The following DENND5B variants were observed in gnomAD, a reference collection of about 807,000 sequenced individuals.
DENND5B encodes the protein DENN domain containing 5B, also known as DENN domain-containing protein 5B.
In DENND5B, 34 loss-of-function variants were observed where a neutral mutation model predicts 140.6. The ratio of observed to expected loss-of-function variants is 0.24; its 90% CI spans 0.18 to 0.32. DENND5B has a LOEUF of 0.32. Ranked by LOEUF, DENND5B falls within the 10% of genes least tolerant of loss-of-function variation. The pLI is 1.00. For missense variants in DENND5B, 1,142 were observed against 1,560.2 expected, an observed-to-expected ratio of 0.73 and a Z score of 4.52; for synonymous variants, 551 against 562.1, an observed-to-expected ratio of 0.98 and a Z score of 0.28.
intron 3 of DENND5B, chr12:31,465,009 T>C (rs1479913143): frequency 1.3e-5 from 2 of 152,248 alleles, no homozygotes; most frequent in Non-Finnish European, 2.9e-5. Flanking sequence ...TAAAAAATTA[T>C]GCTTGACTAT....
At chr12:31,449,890 C>T (rs1365239745) in intron 5 of DENND5B, among the ~76,000 whole-genome samples, 1 of 151,944 alleles carries the variant, frequency 6.6e-6, no homozygotes, top group Non-Finnish European at 1.5e-5. Flanking sequence ...GCCACCACGC[C>T]CGGCTAATTT....
intron 12 of DENND5B, among the ~76,000 whole-genome samples, chr12:31,415,127 A>G (rs1942663001): frequency 6.6e-6 from 1 of 152,122 alleles, no homozygotes; most frequent in Non-Finnish European, 1.5e-5. Flanking sequence ...AAGTAAAATA[A>G]AATAAAAAAA....
At chr12:31,520,426 G>A (rs1947832929) in intron 1 of DENND5B, among the ~76,000 whole-genome samples, 1 of 152,160 alleles carries the variant, frequency 6.6e-6, no homozygotes, top group Non-Finnish European at 1.5e-5. Flanking sequence ...ATAGAAGTTA[G>A]GCACACCTAG....
At chr12:31,416,798 A>C (rs1565558019) in intron 11 of DENND5B, among the ~76,000 whole-genome samples, 1 of 151,484 alleles carries the variant, frequency 6.6e-6, no homozygotes, top group Non-Finnish European at 1.5e-5. Flanking sequence ...GGAGTTCAAG[A>C]CCAGCCTGGG....
intron 3 of DENND5B, among the ~76,000 whole-genome samples, chr12:31,463,899 C>T (rs1319363173): frequency 1.3e-5 from 2 of 152,276 alleles, no homozygotes; most frequent in African/African-American, 4.8e-5. Flanking sequence ...AACTCCTGAC[C>T]TCAGGTGATC....
At chr12:31,431,333 A>G (rs1299775645) in intron 8 of DENND5B, among the ~76,000 whole-genome samples, 1 of 152,240 alleles carries the variant, frequency 6.6e-6, no homozygotes, top group Non-Finnish European at 1.5e-5. Context: ...CTAGTATGAC[A>G]TAATGGGGGA....
In DENND5B at chr12:31,389,497, C is replaced by G. The variant is rs202157086; in HGVS notation, c.3468G>C (p.Glu1156Asp). 5 of 1,575,514 alleles carry G rather than the reference C, an allele frequency of 3.2e-6. No individual in the cohort carries two copies. Residue 1156 changes from glutamate to aspartate, a missense_variant and splice_region_variant, in exon 20 of 21, where the codon GAG becomes GAC. Coordinates refer to ENST00000389082, the MANE Select transcript of DENND5B (RefSeq NM_144973.4). ...TTGTTTCAAAATAAGCAACCACTTTCTCTGAGGAAAAAAGTCAGAATTATG... is the reference window on the plus strand; with the variant it reads ...TTGTTTCAAAATAAGCAACCACTTTGTCTGAGGAAAAAAGTCAGAATTATG... ...HKNVFIWDFIEKVVAYFETTD... is the reference protein window; with the variant it reads ...HKNVFIWDFIDKVVAYFETTD...
chr12:31,520,636 G>A (rs1947840775), intron 1 of DENND5B, among the ~76,000 whole-genome samples: 5 of 152,052 alleles, frequency 3.3e-5, no homozygotes, highest in Admixed American at 3.3e-4. Flanking sequence ...CACCTCCTGG[G>A]TTCAAGCGAT....
intron 1 of DENND5B, among the ~76,000 whole-genome samples, chr12:31,567,058 T>C (rs563936701): frequency 7.2e-4 from 109 of 152,344 alleles, no homozygotes; most frequent in African/African-American, 2.3e-3. Context: ...CGCATGTATA[T>C]TCCTATTGCA....
At chr12:31,426,069 G>T (rs1943217185) in intron 9 of DENND5B, among the ~76,000 whole-genome samples, 1 of 152,196 alleles carries the variant, frequency 6.6e-6, no homozygotes, top group South Asian at 2.1e-4. Flanking sequence ...TGTCTGAAAA[G>T]GTGAGAAAAA....
At chr12:31,499,609 A>G in intron 1 of DENND5B, 1 of 1,494,054 alleles carries the variant, frequency 6.7e-7, no homozygotes, top group South Asian at 1.3e-5. Context: ...TTTTTACCTG[A>G]AGTCGTATTT....
intron 1 of DENND5B, among the ~76,000 whole-genome samples, chr12:31,508,712 C>A (rs1480661795): frequency 6.6e-6 from 1 of 152,154 alleles, no homozygotes; most frequent in South Asian, 2.1e-4. Context: ...TAGTGTGTGG[C>A]CTTTCATCTA....
intron 3 of DENND5B, among the ~76,000 whole-genome samples, chr12:31,474,577 A>C (rs141232654): frequency 2.0e-5 from 3 of 152,356 alleles, no homozygotes; most frequent in Admixed American, 6.5e-5. Flanking sequence ...AAATCAGTCT[A>C]GAAGGACATT....
chr12:31,418,576 G>A (rs1034040219), intron 11 of DENND5B, among the ~76,000 whole-genome samples: 3 of 151,804 alleles, frequency 2.0e-5, no homozygotes, highest in Non-Finnish European at 4.4e-5. Flanking sequence ...TTATAGGCAT[G>A]AGCCATCACA....
At chr12:31,529,875 G>C (rs1174944282) in intron 1 of DENND5B, among the ~76,000 whole-genome samples, 1 of 152,028 alleles carries the variant, frequency 6.6e-6, no homozygotes, top group Non-Finnish European at 1.5e-5. Context: ...GGCTTAAAAT[G>C]CTGCATTCTC....
chr12:31,398,494 G>A (rs989072061), intron 16 of DENND5B, 132 bp from the exon 17 acceptor site: 4 of 790,560 alleles, frequency 5.1e-6, no homozygotes, highest in Non-Finnish European at 7.7e-6. Flanking sequence ...TTATAGAGAG[G>A]TCTCATTACA....
intron 4 of DENND5B, among the ~76,000 whole-genome samples, chr12:31,456,637 C>T (rs1944791176): frequency 6.6e-6 from 1 of 152,188 alleles, no homozygotes; most frequent in Non-Finnish European, 1.5e-5. Context: ...AGGAGATGGT[C>T]ATTTGGGGGA....
At chr12:31,590,657 T>TC in intron 1 of DENND5B, 49 bp downstream of exon 1, 1 of 1,413,650 alleles carries the variant, frequency 7.1e-7, no homozygotes, top group Non-Finnish European at 9.2e-7. Flanking sequence ...CCCCACAGCG[T>TC]CCCCCGCGCC....
chr12:31,399,802 T>G (rs911491091), intron 15 of DENND5B, 30 bp from the exon 16 acceptor site: 5 of 1,550,532 alleles, frequency 3.2e-6, no homozygotes, highest in African/African-American at 1.4e-5. Flanking sequence ...GGTTATTTAG[T>G]ACCCAATCCC....
Sources: gnomAD v4.1 joint callset for allele counts (sites outside exome capture counted in the v4.1 genomes callset) on GRCh38, gnomAD v4.1.1 for gene constraint, MANE v1.5 for transcripts, NCBI Gene and HGNC (gene_info 2026-07-23, HGNC 2026-07-21) for gene names.